The following EPC2 variants were observed in gnomAD, a reference collection of about 807,000 sequenced individuals.
EPC2 encodes enhancer of polycomb homolog 2.
In EPC2, 14 loss-of-function variants were observed where a neutral mutation model predicts 92.1. The ratio of observed to expected loss-of-function variants is 0.15; its 90% CI spans 0.10 to 0.24. The LOEUF is 0.24. EPC2 is among the 10% of genes least tolerant of loss of function. EPC2 has a pLI of 1.00. For synonymous variants in EPC2, 340 were observed against 334.7 expected, an observed-to-expected ratio of 1.02 and a Z score of -0.17; for missense variants, 755 against 971.5, an observed-to-expected ratio of 0.78 and a Z score of 2.96.
At chr2:148,655,300 A>G (rs898003522) in intron 1 of EPC2, among the ~76,000 whole-genome samples, 2 of 152,126 alleles carry the variant, frequency 1.3e-5, no homozygotes, top group Admixed American at 1.3e-4. Flanking sequence ...GGGCTTCTTA[A>G]CCTTTTTTTG....
intron 2 of EPC2, among the ~76,000 whole-genome samples, chr2:148,710,866 G>C (rs1682125563): frequency 6.6e-6 from 1 of 152,204 alleles, no homozygotes; most frequent in East Asian, 1.9e-4. Context: ...GGAGTGGGGA[G>C]GGATGGCATT....
chr2:148,726,497 A>G lies in EPC2; in HGVS notation c.314-17125A>G, dbSNP rs114647355. 2.4e-3 allele frequency among the ~76,000 whole-genome samples: 363 copies of G among 152,292 alleles called. 2 individuals carry two copies. Among genetic ancestry groups the G allele is most frequent in the Non-Finnish European group, 3.6e-3 (243 of 67,992 alleles). On this transcript the variant is annotated intron_variant, in intron 2 of 13. Coordinates refer to ENST00000258484, the MANE Select transcript of EPC2 (RefSeq NM_015630.4). Reference sequence around the variant, plus strand: ...ATTTTCTGTTAGTTTGATAGTGGCCATCCTAACAGGTAGGAGTTGATGTCT... The same window carrying G: ...ATTTTCTGTTAGTTTGATAGTGGCCGTCCTAACAGGTAGGAGTTGATGTCT...
chr2:148,781,542 T>A, intron 10 of EPC2, 102 bp from the exon 11 acceptor site: 7 of 1,084,428 alleles, frequency 6.5e-6, no homozygotes, highest in Non-Finnish European at 9.0e-6. Context: ...AATTTGTAAT[T>A]GCTTTCATCT....
intron 1 of EPC2, 74 bp downstream of exon 1, chr2:148,645,244 A>G (rs1274406980): frequency 8.3e-6 from 11 of 1,325,094 alleles, no homozygotes; most frequent in Admixed American, 2.3e-5. Context: ...CTCGCCATTC[A>G]CAGAGCGCTT....
intron 2 of EPC2, among the ~76,000 whole-genome samples, chr2:148,728,385 T>C (rs1471597986): frequency 6.6e-6 from 1 of 152,178 alleles, no homozygotes; most frequent in Non-Finnish European, 1.5e-5. Flanking sequence ...ATTCTTTTTT[T>C]TTTTAATCAC....
chr2:148,737,278 A>AT (rs947041363), intron 2 of EPC2, among the ~76,000 whole-genome samples: 2 of 151,986 alleles, frequency 1.3e-5, no homozygotes, highest in Non-Finnish European at 2.9e-5. Flanking sequence ...AATTTTAGGG[A>AT]TTTTTTTCAA....
At chr2:148,722,946 A>C (rs1273443638) in intron 2 of EPC2, among the ~76,000 whole-genome samples, 4 of 152,214 alleles carry the variant, frequency 2.6e-5, no homozygotes, top group African/African-American at 7.2e-5. Context: ...GCATGTTCTC[A>C]CTTATAAGTG....
chr2:148,785,723 G>A (rs948313038), intron 13 of EPC2, among the ~76,000 whole-genome samples: 5 of 152,072 alleles, frequency 3.3e-5, no homozygotes, highest in Middle Eastern at 3.2e-3. Flanking sequence ...TTTCTTTAGC[G>A]TCATACACAA....
chr2:148,780,994 G>A (rs1446940820), intron 10 of EPC2, among the ~76,000 whole-genome samples: 1 of 152,122 alleles, frequency 6.6e-6, no homozygotes, highest in South Asian at 2.1e-4. Context: ...AACACAGTTG[G>A]TCGCAGTAGA....
At chr2:148,693,936 T>C (rs1017806106) in intron 2 of EPC2, among the ~76,000 whole-genome samples, 5 of 152,170 alleles carry the variant, frequency 3.3e-5, no homozygotes, top group Non-Finnish European at 5.9e-5. Flanking sequence ...CCTTCAGTTG[T>C]GATTGTTTGC....
chr2:148,757,826 A>T (rs1683220867), intron 4 of EPC2, among the ~76,000 whole-genome samples: 2 of 151,990 alleles, frequency 1.3e-5, no homozygotes, highest in Admixed American at 1.3e-4. Context: ...CAAGAGTGAA[A>T]CTCTATCTCA....
At chr2:148,682,738 C>T (rs1183583719) in intron 1 of EPC2, among the ~76,000 whole-genome samples, 1 of 152,090 alleles carries the variant, frequency 6.6e-6, no homozygotes, top group African/African-American at 2.4e-5. Flanking sequence ...AATGAATCTC[C>T]ATGTGGTCAT....
chr2:148,768,240 C>G (rs1028617130), intron 7 of EPC2, among the ~76,000 whole-genome samples: 1 of 152,176 alleles, frequency 6.6e-6, no homozygotes, highest in African/African-American at 2.4e-5. Context: ...GAGTGCGAGA[C>G]AACTGAAACT....
At chr2:148,748,078 T>TGA (rs1445487789) in intron 3 of EPC2, among the ~76,000 whole-genome samples, 1 of 152,112 alleles carries the variant, frequency 6.6e-6, no homozygotes, top group African/African-American at 2.4e-5. Flanking sequence ...GTCATGATAG[T>TGA]GAGTTCTCAC....
intron 2 of EPC2, among the ~76,000 whole-genome samples, chr2:148,732,385 T>TC (rs202162351): frequency 6.7e-6 from 1 of 150,338 alleles, no homozygotes; most frequent in Non-Finnish European, 1.5e-5. Flanking sequence ...TTTTGTCTTT[T>TC]TTTTTTTTTT....
chr2:148,662,209 A>G (rs1312368468), intron 1 of EPC2, among the ~76,000 whole-genome samples: 1 of 152,154 alleles, frequency 6.6e-6, no homozygotes, highest in Non-Finnish European at 1.5e-5. Flanking sequence ...ACACTTTTAC[A>G]CTGTTGGTGG....
chr2:148,659,964 T>C (rs1314134082), intron 1 of EPC2, among the ~76,000 whole-genome samples: 3 of 152,162 alleles, frequency 2.0e-5, no homozygotes, highest in African/African-American at 7.2e-5. Flanking sequence ...CCAGATTGTT[T>C]ACATTATATT....
intron 6 of EPC2, among the ~76,000 whole-genome samples, chr2:148,763,891 T>A (rs1683353869): frequency 6.6e-6 from 1 of 152,214 alleles, no homozygotes; most frequent in African/African-American, 2.4e-5. Flanking sequence ...AGAATCAGCC[T>A]TTATTATATA....
intron 7 of EPC2, among the ~76,000 whole-genome samples, chr2:148,765,887 T>G (rs953540945): frequency 6.6e-5 from 10 of 151,780 alleles, no homozygotes; most frequent in African/African-American, 2.4e-4. Context: ...ACAAAAAAAA[T>G]CAGCCAGGTG....
Sources: gnomAD v4.1 joint callset for allele counts (sites outside exome capture counted in the v4.1 genomes callset) on GRCh38, gnomAD v4.1.1 for gene constraint, MANE v1.5 for transcripts, NCBI Gene and HGNC (gene_info 2026-07-23, HGNC 2026-07-21) for gene names.